SYT1: variants seen among roughly 807,000 people sequenced by gnomAD.
SYT1 encodes synaptotagmin-1.
In SYT1, 8 loss-of-function variants were observed where a neutral mutation model predicts 44.8. That is an observed-to-expected ratio of 0.18 (90% confidence interval 0.10 to 0.32). The LOEUF (loss-of-function observed/expected upper bound fraction) is 0.32, where lower values mean the gene tolerates loss of function less well. Ranked by LOEUF, SYT1 falls within the 10% of genes least tolerant of loss-of-function variation. SYT1 has a pLI of 1.00. For missense variants in SYT1, 286 were observed against 509.3 expected, an observed-to-expected ratio of 0.56 and a Z score of 4.22; for synonymous variants, 154 against 188.8, an observed-to-expected ratio of 0.82 and a Z score of 1.51.
At chr12:78,876,287 A>G (rs983294857) in intron 1 of SYT1, among the ~76,000 whole-genome samples, 1 of 151,430 alleles carries the variant, frequency 6.6e-6, no homozygotes, top group Non-Finnish European at 1.5e-5. Flanking sequence ...ATATGATAGT[A>G]AACCAGTTGC....
chr12:79,156,716 C>T (rs1050883452), intron 3 of SYT1, among the ~76,000 whole-genome samples: 1 of 152,184 alleles, frequency 6.6e-6, no homozygotes, highest in Non-Finnish European at 1.5e-5. Flanking sequence ...ATCTGCCCGC[C>T]TCAGCCTCCC....
intron 8 of SYT1, among the ~76,000 whole-genome samples, chr12:79,300,225 G>A (rs1880069996): frequency 6.6e-6 from 1 of 152,116 alleles, no homozygotes; most frequent in Non-Finnish European, 1.5e-5. Flanking sequence ...AATTGTATCT[G>A]ATTATGCGAT....
rs1041139547 is a variant in SYT1 at position 79,166,530 on chromosome 12, C to T, written c.-17-50973C>T. On this transcript the variant is annotated intron_variant, in intron 3 of 10. Transcript: ENST00000261205. The stretch of plus-strand genomic sequence containing the variant: ...GAGAAAAAATGAGAAAATGAATAGC[C>T]ATCTAGGTCATTTTTAGACCAAAAT... Among the ~76,000 whole-genome samples, 7 of 151,872 alleles carry T rather than the reference C, an allele frequency of 4.6e-5. No homozygotes were observed. The South Asian group carries it at 6.2e-4, about 14-fold the overall frequency.
chr12:78,985,956 A>T (rs1285416919), intron 2 of SYT1, among the ~76,000 whole-genome samples: 1 of 152,058 alleles, frequency 6.6e-6, no homozygotes, highest in Non-Finnish European at 1.5e-5. Context: ...GGAAAAATAA[A>T]AACAGAAGGA....
intron 1 of SYT1, among the ~76,000 whole-genome samples, chr12:78,867,411 G>A (rs1050048246): frequency 2.6e-5 from 4 of 152,042 alleles, no homozygotes; most frequent in East Asian, 1.9e-4. Context: ...CAATATCTGT[G>A]TATTGGAAAT....
At chr12:79,236,037 A>G (rs944880677) in intron 4 of SYT1, among the ~76,000 whole-genome samples, 1 of 152,166 alleles carries the variant, frequency 6.6e-6, no homozygotes, top group Non-Finnish European at 1.5e-5. Context: ...TTAGCAAGTC[A>G]TATTTCCTAA....
chr12:79,207,455 GCGTC>G (rs1874190558), intron 3 of SYT1, among the ~76,000 whole-genome samples: 1 of 152,120 alleles, frequency 6.6e-6, no homozygotes, highest in Non-Finnish European at 1.5e-5. Flanking sequence ...GTGGTTTGCT[GCGTC>G]CATCAACCCA....
At chr12:78,969,130 AC>A (rs1868317475) in intron 1 of SYT1, among the ~76,000 whole-genome samples, 1 of 152,218 alleles carries the variant, frequency 6.6e-6, no homozygotes, top group Non-Finnish European at 1.5e-5. Context: ...GACTATAACA[AC>A]TATTTACATG....
intron 1 of SYT1, among the ~76,000 whole-genome samples, chr12:78,867,076 G>T (rs1388279947): frequency 6.7e-6 from 1 of 149,588 alleles, no homozygotes; most frequent in Non-Finnish European, 1.5e-5. Context: ...AAAAAAAATA[G>T]TGTCTCTGTT....
At chr12:79,055,512 C>T (rs184185083) in intron 3 of SYT1, among the ~76,000 whole-genome samples, 492 of 152,090 alleles carry the variant, frequency 3.2e-3, no homozygotes, top group Non-Finnish European at 5.1e-3. Context: ...TACTTGGCTA[C>T]ACCAGGGTTT....
chr12:78,978,654 G>C (rs909785336), intron 2 of SYT1, among the ~76,000 whole-genome samples: 1 of 152,126 alleles, frequency 6.6e-6, no homozygotes, highest in Admixed American at 6.6e-5. Context: ...TGAAGTAAAC[G>C]TGAGGTGATT....
chr12:79,277,340 C>A (rs2400392), intron 4 of SYT1, among the ~76,000 whole-genome samples: 52,187 of 151,932 alleles, frequency 0.34, 9,353 homozygotes, highest in East Asian at 0.59. Context: ...ACCTTCTAAA[C>A]CAGAAGGCCT....
At position 79,045,122 on chromosome 12, in the gene SYT1, G is replaced by T. The variant is rs568489547; in HGVS notation, c.-83-2175G>T. 2.6e-5 allele frequency among the ~76,000 whole-genome samples: 4 copies of T among 152,252 alleles called. No individual in the cohort carries two copies. The East Asian group carries it at 7.8e-4, about 30-fold the overall frequency. On this transcript the variant is annotated intron_variant, in intron 2 of 10. Transcript: ENST00000261205. ...AGGTGGAGCCTACAGAGGCAGGCAGGCCTCCTTGAGCTGTGGTGGGCTCCA... is the reference window on the plus strand; with the variant it reads ...AGGTGGAGCCTACAGAGGCAGGCAGTCCTCCTTGAGCTGTGGTGGGCTCCA...
chr12:79,046,443 T>C (rs886919131), intron 2 of SYT1: 1 of 152,176 alleles, frequency 6.6e-6, no homozygotes, highest in South Asian at 2.1e-4. Context: ...TGAGAACTTA[T>C]ATAAAAAGGT....
chr12:79,019,837 A>T (rs755906165), intron 2 of SYT1, among the ~76,000 whole-genome samples: 1 of 152,012 alleles, frequency 6.6e-6, no homozygotes, highest in Non-Finnish European at 1.5e-5. Context: ...TTTCATTTTC[A>T]TAACCCATTT....
intron 2 of SYT1, among the ~76,000 whole-genome samples, chr12:79,025,018 A>G (rs961064979): frequency 1.3e-5 from 2 of 151,836 alleles, no homozygotes; most frequent in African/African-American, 4.8e-5. Flanking sequence ...ATGCTTCTTT[A>G]GGCAAATAGA....
intron 3 of SYT1, among the ~76,000 whole-genome samples, chr12:79,151,937 C>G (rs1334300911): frequency 6.6e-6 from 1 of 151,830 alleles, no homozygotes; most frequent in East Asian, 1.9e-4. Context: ...GAGACATGGC[C>G]CAGAAATGTA....
At chr12:79,270,349 A>T (rs989357742) in intron 4 of SYT1, among the ~76,000 whole-genome samples, 10 of 152,232 alleles carry the variant, frequency 6.6e-5, no homozygotes, top group Non-Finnish European at 1.2e-4. Context: ...ACATTAGTGC[A>T]GTGGTGAAGC....
intron 1 of SYT1, among the ~76,000 whole-genome samples, chr12:78,906,223 T>C (rs1875971301): frequency 6.6e-6 from 1 of 152,026 alleles, no homozygotes; most frequent in Non-Finnish European, 1.5e-5. Context: ...CAAAATGAAA[T>C]CAAATATTAA....
Sources: allele counts gnomAD v4.1 joint callset (sites outside exome capture counted in the v4.1 genomes callset), GRCh38; gene constraint gnomAD v4.1.1; transcripts MANE v1.5; gene names NCBI Gene and HGNC (gene_info 2026-07-23, HGNC 2026-07-21).